FAS: variants seen among roughly 807,000 people sequenced by gnomAD.
FAS encodes the protein tumor necrosis factor receptor superfamily member 6.
FAS carries 5 observed loss-of-function variants against 33.2 expected under a neutral mutation model. The observed-to-expected ratio is 0.15, with a 90% CI of 0.08 to 0.32. The LOEUF is 0.32. Among genes scored for constraint, FAS ranks in the 10% least tolerant of loss-of-function variants. FAS has a pLI of 1.00. For missense variants in FAS, 339 were observed against 386.0 expected (o/e 0.88, Z 1.02); for synonymous variants, 131 against 130.7 (o/e 1.00, Z -0.01).
rs150073369 is a variant in FAS at position 88,971,617 on chromosome 10, C to T, written n.95-1565C>T. 3.0e-3 allele frequency among the ~76,000 whole-genome samples: 462 copies of T among 152,200 alleles called. 5 individuals are homozygous for T. The highest frequency in any genetic ancestry group is 0.011 in the African/African-American group (437 of 41,548). ...TTTTCTTATAATAAAAGTCATAATG[C>T]CAACCACTTTAAGAGTTCTTTTGCT... On this transcript the variant is annotated intron_variant and non_coding_transcript_variant, in intron 1 of 3. Transcript: ENST00000688239.
chr10:89,004,373 T>G (rs1475956856), intron 2 of FAS, among the ~76,000 whole-genome samples: 1 of 152,164 alleles, frequency 6.6e-6, no homozygotes, highest in African/African-American at 2.4e-5. Flanking sequence ...CTTTTTTTTC[T>G]TATTATTATA....
At chr10:88,994,751 T>A (rs1477678313) in intron 1 of FAS, among the ~76,000 whole-genome samples, 2 of 151,832 alleles carry the variant, frequency 1.3e-5, no homozygotes, top group South Asian at 2.1e-4. Flanking sequence ...TATCTCATAT[T>A]TTTTATTGGA....
chr10:89,010,657 A>G, intron 5 of FAS, 57 bp downstream of exon 5: 2 of 1,606,344 alleles, frequency 1.2e-6, no homozygotes, highest in Non-Finnish European at 1.7e-6. Context: ...GAAAGATGTG[A>G]AGAAAAACCA....
chr10:89,000,092 T>C (rs1460680372), intron 1 of FAS, among the ~76,000 whole-genome samples: 1 of 152,240 alleles, frequency 6.6e-6, no homozygotes, highest in East Asian at 1.9e-4. Context: ...GTGATATATT[T>C]AGTCCTAGAG....
At chr10:88,968,767 T>G (rs546992325) in intron 1 of FAS, among the ~76,000 whole-genome samples, 50 of 152,208 alleles carry the variant, frequency 3.3e-4, no homozygotes, top group Admixed American at 9.8e-4. Flanking sequence ...GCTGTTGATA[T>G]AGGCATTTCT....
Position 89,015,571 on chromosome 10 carries a change from C to T in FAS, c.*1121C>T, listed in dbSNP as rs1278007892. Reference sequence around the variant, plus strand: ...GATTTAAGATTCTCCTTACTACTATCCTACGTTTAAATATCTTTGAAAGTT... The same window carrying T: ...GATTTAAGATTCTCCTTACTACTATTCTACGTTTAAATATCTTTGAAAGTT... On this transcript the variant is annotated 3_prime_UTR_variant, in exon 9 of 9. Coordinates refer to ENST00000652046, the MANE Select transcript of FAS (RefSeq NM_000043.6). 3.8e-6 allele frequency: 2 copies of T among 525,022 alleles called. No individual in the cohort carries two copies. Among genetic ancestry groups the T allele is most frequent in the South Asian group, 3.2e-5 (2 of 61,696 alleles). The allele number at this position is 525,022 out of a possible 1,614,324, so 32.5% of individuals were successfully genotyped here. A position where few individuals can be genotyped will look rare whatever the true frequency, so the allele number is the denominator to read the frequency against.
intron 5 of FAS, 53 bp downstream of exon 5, chr10:89,010,653 T>C (rs1444584775): frequency 6.2e-7 from 1 of 1,606,366 alleles, no homozygotes; most frequent in Non-Finnish European, 8.5e-7. Context: ...CATGGAAAGA[T>C]GTGAAGAAAA....
intron 1 of FAS, among the ~76,000 whole-genome samples, chr10:88,971,575 G>T (rs1846448202): frequency 6.6e-6 from 1 of 152,124 alleles, no homozygotes; most frequent in South Asian, 2.1e-4. Context: ...TTTTTTAGAT[G>T]ATTTGGATTT....
chr10:88,977,023 A>C (rs1319494201), intron 2 of FAS, among the ~76,000 whole-genome samples: 1 of 152,140 alleles, frequency 6.6e-6, no homozygotes, highest in Non-Finnish European at 1.5e-5. Context: ...GGAGAAGCTT[A>C]TTTTCTGCTA....
chr10:88,992,274 T>A (rs6586164), intron 1 of FAS: 87,149 of 152,078 alleles, frequency 0.57, 26,303 homozygotes, highest in African/African-American at 0.78. Context: ...CTTTAGAAAC[T>A]TCCTTGGAGA....
chr10:89,004,328 T>C (rs1243343109), intron 2 of FAS, among the ~76,000 whole-genome samples: 1 of 152,180 alleles, frequency 6.6e-6, no homozygotes, highest in Non-Finnish European at 1.5e-5. Flanking sequence ...CATTTGGATA[T>C]ATGAGTCAAA....
chr10:89,002,424 C>T (rs1847979298), intron 1 of FAS, among the ~76,000 whole-genome samples: 1 of 152,174 alleles, frequency 6.6e-6, no homozygotes, highest in African/African-American at 2.4e-5. Context: ...TCAAGGAGGG[C>T]AGGGCACTAT....
chr10:88,996,500 A>T (rs1847603180), intron 1 of FAS, among the ~76,000 whole-genome samples: 1 of 152,132 alleles, frequency 6.6e-6, no homozygotes. Flanking sequence ...TTCAGTTAGG[A>T]GGAATAAGTT....
At chr10:88,967,499 A>G (rs1846340349) in intron 1 of FAS, among the ~76,000 whole-genome samples, 1 of 152,174 alleles carries the variant, frequency 6.6e-6, no homozygotes, top group African/African-American at 2.4e-5. Context: ...GGTGACTTTC[A>G]ATATTCTATT....
At chr10:89,009,382 G>A (rs1322358668) in intron 4 of FAS, among the ~76,000 whole-genome samples, 3 of 152,238 alleles carry the variant, frequency 2.0e-5, no homozygotes, top group African/African-American at 7.2e-5. Context: ...GTGAAGACAT[G>A]AATGTGTCTC....
At chr10:88,970,455 G>A (rs939526373) in intron 1 of FAS, among the ~76,000 whole-genome samples, 3 of 152,114 alleles carry the variant, frequency 2.0e-5, no homozygotes, top group Non-Finnish European at 2.9e-5. Flanking sequence ...TGAGGAGGGC[G>A]TTCAGTTAGT....
intron 1 of FAS, among the ~76,000 whole-genome samples, chr10:88,995,090 A>T (rs989519002): frequency 2.1e-5 from 2 of 96,688 alleles, no homozygotes; most frequent in Non-Finnish European, 4.0e-5. Flanking sequence ...TTTGCTATGT[A>T]TGTATATATA....
At chr10:89,009,877 A>G (rs1564694078) in intron 4 of FAS, among the ~76,000 whole-genome samples, 1 of 152,226 alleles carries the variant, frequency 6.6e-6, no homozygotes, top group Admixed American at 6.5e-5. Flanking sequence ...TCTTGTCATC[A>G]TAACCTTTTG....
upstream of FAS, chr10:88,990,560 T>C (rs1248440568): frequency 9.4e-6 from 6 of 641,204 alleles, no homozygotes; most frequent in African/African-American, 1.8e-5. This position sits in a 1 kb window ranked among gnomAD's most constrained non-coding sequence, Gnocchi z 4.9. Context: ...AGTTGCTGAA[T>C]CAATGGAGCC....
Sources: allele counts gnomAD v4.1 joint callset (sites outside exome capture counted in the v4.1 genomes callset), GRCh38; gene constraint gnomAD v4.1.1; non-coding constraint Gnocchi (gnomAD v3.1); transcripts MANE v1.5; gene names NCBI Gene and HGNC (gene_info 2026-07-23, HGNC 2026-07-21).